The following L3MBTL4 variants were observed in gnomAD, a reference collection of about 807,000 sequenced individuals.
L3MBTL4 encodes L3MBTL histone methyl-lysine binding protein 4.
A neutral mutation model predicts 84.5 loss-of-function variants in L3MBTL4; 70 were observed. The ratio of observed to expected loss-of-function variants is 0.83; its 90% CI spans 0.68 to 1.01. The LOEUF (loss-of-function observed/expected upper bound fraction) is 1.01. L3MBTL4 is among the 50% of genes least tolerant of loss of function. The probability of loss-of-function intolerance (pLI) is 0.00; values close to 1 mark genes in which losing one functional copy is unlikely to be tolerated. For synonymous variants in L3MBTL4, 274 were observed against 259.8 expected, an observed-to-expected ratio of 1.05 and a Z score of -0.52; for missense variants, 715 against 754.8, an observed-to-expected ratio of 0.95 and a Z score of 0.62.
intron 4 of L3MBTL4, among the ~76,000 whole-genome samples, chr18:6,278,287 G>A (rs2049175230): frequency 6.6e-6 from 1 of 152,004 alleles, no homozygotes; most frequent in Non-Finnish European, 1.5e-5. Context: ...GCAAAGAATG[G>A]AAGTTAAATT....
At chr18:6,029,799 T>G (rs750805298) in intron 16 of L3MBTL4, 18 of 985,316 alleles carry the variant, frequency 1.8e-5, no homozygotes, top group Non-Finnish European at 2.0e-5. Context: ...TTAAAGTTCA[T>G]TTGGAAAAAT....
Position 6,371,462 on chromosome 18 carries a change from A to G in L3MBTL4, c.-91+43339T>C, listed in dbSNP as rs140336350. Among the ~76,000 whole-genome samples, 9 of 152,290 alleles carry G rather than the reference A, an allele frequency of 5.9e-5. No individual in the cohort carries two copies. In the East Asian group the frequency reaches 1.7e-3, roughly 29 times the overall value. ...TAAGTGCCCAGGGCAGCCCAGCCTC[A>G]TGTTGGGAAAGAGCAACACACCCAG... On this transcript the variant is annotated intron_variant, in intron 1 of 18. Coordinates refer to ENST00000317931, the MANE Select transcript of L3MBTL4 (RefSeq NM_001330559.2).
intron 1 of L3MBTL4, among the ~76,000 whole-genome samples, chr18:6,404,306 T>G (rs1371361351): frequency 1.3e-5 from 2 of 152,194 alleles, no homozygotes; most frequent in Non-Finnish European, 2.9e-5. Context: ...CTCAGGAACG[T>G]CCTTCCACCT....
At chr18:6,281,501 G>C (rs2049320386) in intron 4 of L3MBTL4, among the ~76,000 whole-genome samples, 1 of 152,116 alleles carries the variant, frequency 6.6e-6, no homozygotes, top group Non-Finnish European at 1.5e-5. Flanking sequence ...ACATAAAAAG[G>C]ATGATTTCCC....
At chr18:6,177,699 T>C (rs2044283877) in intron 12 of L3MBTL4, among the ~76,000 whole-genome samples, 1 of 152,218 alleles carries the variant, frequency 6.6e-6, no homozygotes, top group Non-Finnish European at 1.5e-5. Context: ...CTTCTACTGA[T>C]GGCGATGTTG....
Position 5,956,402 on chromosome 18 carries a change from A to G in L3MBTL4, c.1678-15T>C. The stretch of plus-strand genomic sequence containing the variant: ...CCATCGATCTGCTGCAAATACATAA[A>G]TAGACACAAATAAAAATGTTTTGCC... On this transcript the variant is annotated splice_polypyrimidine_tract_variant and intron_variant, in intron 18 of 18. Transcript: ENST00000317931. 6.2e-7 allele frequency: 1 copy of G among 1,611,464 alleles called. No individual in the cohort carries two copies. Among genetic ancestry groups the G allele is most frequent in the Non-Finnish European group, 8.5e-7 (1 of 1,178,886 alleles).
At chr18:6,154,456 C>T (rs1048934429) in intron 13 of L3MBTL4, among the ~76,000 whole-genome samples, 1 of 152,062 alleles carries the variant, frequency 6.6e-6, no homozygotes, top group African/African-American at 2.4e-5. Context: ...TATAGGTGAT[C>T]CTACTACAGT....
chr18:6,092,751 A>T (rs1419761499), intron 15 of L3MBTL4, among the ~76,000 whole-genome samples: 1 of 152,250 alleles, frequency 6.6e-6, no homozygotes, highest in Non-Finnish European at 1.5e-5. Context: ...AGGTTAAAAA[A>T]TATCACACAA....
intron 1 of L3MBTL4, among the ~76,000 whole-genome samples, chr18:6,352,612 G>C (rs377539945): frequency 2.0e-5 from 3 of 152,158 alleles, no homozygotes; most frequent in African/African-American, 4.8e-5. Flanking sequence ...TATGAGTCCT[G>C]CCTTCTCCAA....
chr18:6,358,856 G>T (rs1289289423), intron 1 of L3MBTL4, among the ~76,000 whole-genome samples: 3 of 152,218 alleles, frequency 2.0e-5, no homozygotes, highest in Admixed American at 2.0e-4. Flanking sequence ...GGCTCCACAG[G>T]AGAGCCCTGT....
intron 16 of L3MBTL4, among the ~76,000 whole-genome samples, chr18:5,972,982 T>A (rs1315852433): frequency 6.6e-6 from 1 of 150,690 alleles, no homozygotes; most frequent in Non-Finnish European, 1.5e-5. Context: ...TAGAACGGAG[T>A]AAGAGCAAAA....
chr18:6,175,208 A>G (rs563999113), intron 12 of L3MBTL4, among the ~76,000 whole-genome samples: 61 of 152,316 alleles, frequency 4.0e-4, no homozygotes, highest in African/African-American at 1.5e-3. Context: ...TGCAAAGAGC[A>G]GAGCCACGAT....
intron 16 of L3MBTL4, among the ~76,000 whole-genome samples, chr18:6,034,116 T>G (rs1340453555): frequency 1.3e-5 from 2 of 152,198 alleles, no homozygotes; most frequent in Non-Finnish European, 2.9e-5. Context: ...GTTTTGTTTA[T>G]AAGGGAATGT....
intron 5 of L3MBTL4, among the ~76,000 whole-genome samples, chr18:6,255,538 G>A (rs1432604810): frequency 6.6e-6 from 1 of 152,124 alleles, no homozygotes; most frequent in Non-Finnish European, 1.5e-5. Flanking sequence ...AATTCTTTCT[G>A]CCCTTCAGAG....
At chr18:6,322,502 G>GAAGC (rs1190649940) in intron 1 of L3MBTL4, among the ~76,000 whole-genome samples, 68 of 135,934 alleles carry the variant, frequency 5.0e-4, no homozygotes, top group African/African-American at 2.1e-3. Context: ...AGGAAGGAAG[G>GAAGC]AAAGAAGGAA....
chr18:6,311,424 C>A (rs1345225274), intron 3 of L3MBTL4, 130 bp downstream of exon 3: 1 of 704,736 alleles, frequency 1.4e-6, no homozygotes, highest in African/African-American at 1.8e-5. Context: ...ACATAAAGCT[C>A]AAGCAGAAGC....
intron 16 of L3MBTL4, among the ~76,000 whole-genome samples, chr18:6,065,433 C>T (rs1171033078): frequency 6.6e-6 from 1 of 151,984 alleles, no homozygotes; most frequent in African/African-American, 2.4e-5. Flanking sequence ...ACCAATTCTT[C>T]TTCGAATGTT....
At chr18:6,408,603 C>T (rs752983856) in intron 1 of L3MBTL4, among the ~76,000 whole-genome samples, 14 of 152,154 alleles carry the variant, frequency 9.2e-5, no homozygotes, top group Non-Finnish European at 1.6e-4. Flanking sequence ...CTCTCTACTG[C>T]CTCCAAAGCA....
chr18:5,967,930 C>T (rs1008351481), intron 17 of L3MBTL4, among the ~76,000 whole-genome samples: 1 of 152,228 alleles, frequency 6.6e-6, no homozygotes, highest in Non-Finnish European at 1.5e-5. Context: ...AGAGACATGC[C>T]CAGAATTCTG....
Sources: allele counts gnomAD v4.1 joint callset (sites outside exome capture counted in the v4.1 genomes callset), GRCh38; gene constraint gnomAD v4.1.1; transcripts MANE v1.5; gene names NCBI Gene and HGNC (gene_info 2026-07-23, HGNC 2026-07-21).